The following RPH3A variants were observed in gnomAD, a reference collection of about 807,000 sequenced individuals.
RPH3A encodes rabphilin-3A.
RPH3A carries 48 observed loss-of-function variants against 102.2 expected under a neutral mutation model. The observed-to-expected ratio is 0.47, with a 90% confidence interval of 0.37 to 0.60. RPH3A has a LOEUF of 0.60. RPH3A is among the 20% of genes least tolerant of loss of function. The pLI is 0.00. For missense variants in RPH3A, 781 were observed against 910.1 expected (o/e 0.86, Z 1.83); for synonymous variants, 310 against 324.3 (o/e 0.96, Z 0.47).
At chr12:112,589,226 A>G (rs2039459578) in intron 1 of RPH3A, among the ~76,000 whole-genome samples, 1 of 152,120 alleles carries the variant, frequency 6.6e-6, no homozygotes, top group African/African-American at 2.4e-5. Flanking sequence ...CTCACTACTC[A>G]CTGGCCCACC....
At chr12:112,892,071 C>G (rs1470906484) in intron 19 of RPH3A, among the ~76,000 whole-genome samples, 1 of 152,170 alleles carries the variant, frequency 6.6e-6, no homozygotes, top group Non-Finnish European at 1.5e-5. Context: ...CAGAATCGAG[C>G]CTGGTACAGA....
At chr12:112,734,238 A>G (rs1241515702) in intron 1 of RPH3A, among the ~76,000 whole-genome samples, 3 of 152,204 alleles carry the variant, frequency 2.0e-5, no homozygotes, top group African/African-American at 7.2e-5. Context: ...TTGTGTTACA[A>G]TTGCCTACAG....
chr12:112,721,461 T>G (rs780524516), intron 1 of RPH3A, among the ~76,000 whole-genome samples: 1 of 152,122 alleles, frequency 6.6e-6, no homozygotes, highest in African/African-American at 2.4e-5. Flanking sequence ...AGCAAACAGA[T>G]GGAGGGCCAG....
Position 112,589,172 on chromosome 12 carries a change from G to A in RPH3A, c.-140+13853G>A, listed in dbSNP as rs1336745758. Among the ~76,000 whole-genome samples the A allele has an allele frequency of 6.4e-4, 97 of 151,648 alleles. 2 individuals carry two copies. The highest frequency in any genetic ancestry group is 6.3e-3 in the Admixed American group (96 of 15,212). On this transcript the variant is annotated intron_variant, in intron 1 of 21. Transcript: ENST00000543106. ...AGATGAGGCTGGAGGGGGAAGTGGGGGCCAACCCAGGAGGGTTGGTACACC... is the reference window on the plus strand; with the variant it reads ...AGATGAGGCTGGAGGGGGAAGTGGGAGCCAACCCAGGAGGGTTGGTACACC...
At chr12:112,883,212 C>G in intron 15 of RPH3A, 81 bp from the exon 16 acceptor site, 1 of 1,070,106 alleles carries the variant, frequency 9.3e-7, no homozygotes, top group East Asian at 2.5e-5. Flanking sequence ...CCCACCCACC[C>G]CACGTCAGCC....
chr12:112,894,501 GA>G (rs948246493), intron 19 of RPH3A, 76 bp from the exon 20 acceptor site: 1 of 1,265,950 alleles, frequency 7.9e-7, no homozygotes, highest in African/African-American at 1.5e-5. Context: ...CCCTGATAAA[GA>G]AGGGGCCTTT....
intron 1 of RPH3A, among the ~76,000 whole-genome samples, chr12:112,652,584 G>C (rs1437043564): frequency 6.6e-6 from 1 of 152,206 alleles, no homozygotes; most frequent in Non-Finnish European, 1.5e-5. Context: ...AGAGAACAGA[G>C]GCTCTGATCT....
intron 3 of RPH3A, among the ~76,000 whole-genome samples, chr12:112,835,814 G>A (rs2042039273): frequency 6.6e-6 from 1 of 152,076 alleles, no homozygotes; most frequent in African/African-American, 2.4e-5. Context: ...CCAACAACAG[G>A]GGAATTTGAG....
At chr12:112,839,163 C>A (rs4767017) in intron 4 of RPH3A, among the ~76,000 whole-genome samples, 70,720 of 151,916 alleles carry the variant, frequency 0.47, 17,062 homozygotes, top group African/African-American at 0.57. Flanking sequence ...GAAGCTAAAT[C>A]TTTGAGGCAG....
chr12:112,583,521 A>G (rs1229215375), intron 1 of RPH3A, among the ~76,000 whole-genome samples: 1 of 152,192 alleles, frequency 6.6e-6, no homozygotes, highest in Non-Finnish European at 1.5e-5. Context: ...GGAGATTGAT[A>G]AAGGGATGGA....
In RPH3A at chr12:112,667,592, C is replaced by T. The variant is rs567330991; in HGVS notation, c.-140+92273C>T. Among the ~76,000 whole-genome samples, 6 of 149,492 alleles carry T rather than the reference C, an allele frequency of 4.0e-5. No individual in the cohort carries two copies. In the South Asian group the frequency reaches 1.3e-3, roughly 32 times the overall value. On this transcript the variant is annotated intron_variant, in intron 1 of 21. Transcript: ENST00000543106. ...TAAAAAGATGTGAATGAAGAGAACA[C>T]CTAGGGACAGTGCAGGGACCCAGGG... is the stretch of plus-strand genomic sequence containing the variant.
intron 5 of RPH3A, among the ~76,000 whole-genome samples, chr12:112,861,693 C>A (rs1333434628): frequency 6.6e-6 from 1 of 152,158 alleles, no homozygotes; most frequent in Non-Finnish European, 1.5e-5. Context: ...TAATCCTTAG[C>A]TTCTAGTGTA....
chr12:112,730,894 G>A (rs1245137248), intron 1 of RPH3A, among the ~76,000 whole-genome samples: 1 of 152,140 alleles, frequency 6.6e-6, no homozygotes, highest in Non-Finnish European at 1.5e-5. Context: ...TTCCAGGGCT[G>A]GCTTATAGGG....
At chr12:112,838,990 C>T (rs2042099914) in intron 4 of RPH3A, among the ~76,000 whole-genome samples, 1 of 151,974 alleles carries the variant, frequency 6.6e-6, no homozygotes, top group Non-Finnish European at 1.5e-5. Context: ...AAGGCCGGGG[C>T]CGGTTTCTCA....
At chr12:112,891,293 A>G in intron 19 of RPH3A, 1 of 371,194 alleles carries the variant, frequency 2.7e-6, no homozygotes, top group Admixed American at 4.2e-5. Flanking sequence ...TAGTAGCCCC[A>G]TTTGTACTCC....
chr12:112,655,164 C>T (rs1343836932), intron 1 of RPH3A, among the ~76,000 whole-genome samples: 2 of 152,208 alleles, frequency 1.3e-5, no homozygotes, highest in Non-Finnish European at 2.9e-5. Context: ...TCCTTAAAAG[C>T]CTTGAAACCT....
chr12:112,656,569 T>G (rs535625113), intron 1 of RPH3A, among the ~76,000 whole-genome samples: 1 of 152,144 alleles, frequency 6.6e-6, no homozygotes, highest in African/African-American at 2.4e-5. Context: ...CTCAATCCCT[T>G]CCCACTCTTC....
chr12:112,783,979 T>A (rs748093954), intron 1 of RPH3A, among the ~76,000 whole-genome samples: 2 of 152,152 alleles, frequency 1.3e-5, no homozygotes, highest in Non-Finnish European at 2.9e-5. Flanking sequence ...CTTGAGAGGA[T>A]CTTCTTGGAG....
chr12:112,764,009 T>A (rs1217369368), intron 1 of RPH3A, among the ~76,000 whole-genome samples: 1 of 152,122 alleles, frequency 6.6e-6, no homozygotes, highest in Non-Finnish European at 1.5e-5. Context: ...ATCTTCTGCC[T>A]AAGGGCAGCC....
Sources: allele counts gnomAD v4.1 joint callset (sites outside exome capture counted in the v4.1 genomes callset), GRCh38; gene constraint gnomAD v4.1.1; transcripts MANE v1.5; gene names NCBI Gene and HGNC (gene_info 2026-07-23, HGNC 2026-07-21).